The following VAV3 variants were observed in gnomAD, a reference collection of about 807,000 sequenced individuals.
The protein encoded by VAV3 is vav guanine nucleotide exchange factor 3, also known as guanine nucleotide exchange factor VAV3.
VAV3 carries 94 observed loss-of-function variants against 131.2 expected under a neutral mutation model. The observed-to-expected ratio is 0.72, with a 90% CI of 0.61 to 0.85. The LOEUF (loss-of-function observed/expected upper bound fraction) is 0.85. Ranked by LOEUF, VAV3 falls within the 40% of genes least tolerant of loss-of-function variation. VAV3 has a pLI of 0.00. For missense variants in VAV3, 939 were observed against 1,002.7 expected, an observed-to-expected ratio of 0.94 and a Z score of 0.86; for synonymous variants, 349 against 342.0, an observed-to-expected ratio of 1.02 and a Z score of -0.22.
intron 17 of VAV3, among the ~76,000 whole-genome samples, chr1:107,701,173 G>T (rs12046347): frequency 0.51 from 78,087 of 151,872 alleles, 21,843 homozygotes; most frequent in South Asian, 0.62. Flanking sequence ...TTGTAAATTT[G>T]TTTAAGTGCC....
intron 9 of VAV3, among the ~76,000 whole-genome samples, chr1:107,761,898 C>G (rs1191846066): frequency 2.6e-5 from 4 of 151,972 alleles, no homozygotes; most frequent in South Asian, 4.2e-4. Flanking sequence ...ATTTAGAAGC[C>G]TTGGATTGTA....
chr1:107,642,797 G>C, intron 19 of VAV3, 42 bp from the exon 20 acceptor site: 1 of 1,610,996 alleles, frequency 6.2e-7, no homozygotes, highest in South Asian at 1.1e-5. Flanking sequence ...AGAAAACAAT[G>C]ATGCATGAAG....
At chr1:107,907,655 G>A (rs111399031) in intron 1 of VAV3, among the ~76,000 whole-genome samples, 6,069 of 151,982 alleles carry the variant, frequency 0.04, 292 homozygotes, top group African/African-American at 0.12. Flanking sequence ...TCTCGTGTGC[G>A]TGCGTTCTCT....
intron 25 of VAV3, among the ~76,000 whole-genome samples, chr1:107,588,973 T>A (rs965709132): frequency 1.3e-5 from 2 of 152,180 alleles, no homozygotes; most frequent in South Asian, 4.1e-4. Flanking sequence ...CATTTCACCA[T>A]GGAAAGGCAA....
chr1:107,889,501 A>G (rs1420807803), intron 1 of VAV3, among the ~76,000 whole-genome samples: 1 of 152,224 alleles, frequency 6.6e-6, no homozygotes, highest in Non-Finnish European at 1.5e-5. Flanking sequence ...ATCCAGGACC[A>G]TCTGTGGTGA....
chr1:107,820,774 G>GA (rs1158121339), intron 2 of VAV3: 1 of 151,890 alleles, frequency 6.6e-6, no homozygotes, highest in Non-Finnish European at 1.5e-5. Context: ...TAAAAATTAG[G>GA]AAAAAACTGA....
intron 2 of VAV3, among the ~76,000 whole-genome samples, chr1:107,796,344 C>T (rs1488155806): frequency 6.6e-6 from 1 of 152,112 alleles, no homozygotes; most frequent in African/African-American, 2.4e-5. Context: ...CTTCCAACTC[C>T]TATCAGTGAG....
intron 19 of VAV3, among the ~76,000 whole-genome samples, chr1:107,647,633 C>A (rs190305953): frequency 2.6e-4 from 40 of 152,030 alleles, no homozygotes; most frequent in Non-Finnish European, 2.4e-4. Flanking sequence ...GGGTAGGACC[C>A]TAAAACATGT....
chr1:107,866,422 G>GA (rs1189092731), intron 2 of VAV3, among the ~76,000 whole-genome samples: 12 of 152,196 alleles, frequency 7.9e-5, no homozygotes, highest in African/African-American at 2.9e-4. Flanking sequence ...AGATGAGCTT[G>GA]AAACGATTCA....
chr1:107,693,306 C>T (rs774532567), intron 17 of VAV3, among the ~76,000 whole-genome samples: 1 of 152,144 alleles, frequency 6.6e-6, no homozygotes, highest in Non-Finnish European at 1.5e-5. Flanking sequence ...AAGACATAAA[C>T]TAATCATCCA....
chr1:107,832,898 T>C (rs1668314449), intron 2 of VAV3, among the ~76,000 whole-genome samples: 1 of 152,228 alleles, frequency 6.6e-6, no homozygotes, highest in African/African-American at 2.4e-5. Context: ...AAAAGGTCTA[T>C]GATTCAAAGA....
intron 15 of VAV3, among the ~76,000 whole-genome samples, chr1:107,723,663 A>C (rs1471902370): frequency 1.3e-5 from 2 of 152,150 alleles, no homozygotes; most frequent in East Asian, 3.9e-4. Context: ...TTGAACTCAA[A>C]GCTGCGCTAG....
At chr1:107,898,119 C>T (rs1389204332) in intron 1 of VAV3, among the ~76,000 whole-genome samples, 1 of 151,044 alleles carries the variant, frequency 6.6e-6, no homozygotes, top group African/African-American at 2.4e-5. Flanking sequence ...AAAAAGGAAG[C>T]AGATCAAAAC....
chr1:107,746,966 G>A (rs543573557), intron 15 of VAV3, among the ~76,000 whole-genome samples: 35 of 151,038 alleles, frequency 2.3e-4, no homozygotes, highest in South Asian at 1.0e-3. Context: ...TGCAACCTCC[G>A]CCTCTCAGGT....
At chr1:107,949,628 A>C (rs1410799662) in intron 1 of VAV3, among the ~76,000 whole-genome samples, 6 of 152,178 alleles carry the variant, frequency 3.9e-5, no homozygotes, top group Non-Finnish European at 8.8e-5. Flanking sequence ...GAAGTACCCA[A>C]ATCTTTTGTG....
At chr1:107,766,205 T>C (rs1223167823) in intron 8 of VAV3, among the ~76,000 whole-genome samples, 2 of 152,164 alleles carry the variant, frequency 1.3e-5, no homozygotes, top group East Asian at 3.9e-4. Context: ...TGATTTGCGA[T>C]GCAAAAAAAT....
Position 107,964,807 on chromosome 1 carries a change from G to C in VAV3, c.63C>G (p.His21Gln). ...CCTGAGCCGAGTCCCAGGTCACCCG[G>C]TGGTTGGTGGGCAGCACCTTGCAAT... Reference protein sequence around the residue: ...LIHCKVLPTNHRVTWDSAQVF... With the variant: ...LIHCKVLPTNQRVTWDSAQVF... Residue 21 changes from histidine to glutamine, a missense_variant, in exon 1 of 27, where the codon CAC becomes CAG. Transcript: ENST00000370056. The C allele has an allele frequency of 6.2e-7, 1 of 1,613,996 alleles. No homozygotes were observed.
intron 19 of VAV3, among the ~76,000 whole-genome samples, chr1:107,655,490 T>G (rs963405299): frequency 2.0e-5 from 3 of 152,084 alleles, no homozygotes; most frequent in Non-Finnish European, 4.4e-5. Context: ...ATTAAAGACT[T>G]AAATCTAAGG....
At chr1:107,647,430 T>A (rs912144275) in intron 19 of VAV3, among the ~76,000 whole-genome samples, 2 of 151,950 alleles carry the variant, frequency 1.3e-5, no homozygotes, top group African/African-American at 4.8e-5. Context: ...GTGCTGGGCA[T>A]GGCAGTTTCA....
Sources: allele counts gnomAD v4.1 joint callset (sites outside exome capture counted in the v4.1 genomes callset), GRCh38; gene constraint gnomAD v4.1.1; transcripts MANE v1.5; gene names NCBI Gene and HGNC (gene_info 2026-07-23, HGNC 2026-07-21).